The following GRIN2A variants were observed in gnomAD, a reference collection of about 807,000 sequenced individuals.
The protein encoded by GRIN2A is glutamate ionotropic receptor NMDA type subunit 2A.
In GRIN2A, 22 loss-of-function variants were observed where a neutral mutation model predicts 113.4. The ratio of observed to expected loss-of-function variants is 0.19; its 90% confidence interval spans 0.14 to 0.28. GRIN2A has a LOEUF of 0.28. GRIN2A is among the 10% of genes least tolerant of loss of function. The probability of loss-of-function intolerance (pLI) is 1.00; values close to 1 mark genes in which losing one functional copy is unlikely to be tolerated. For synonymous variants in GRIN2A, 827 were observed against 738.4 expected, an observed-to-expected ratio of 1.12 and a Z score of -1.94; for missense variants, 1,502 against 1,887.0, an observed-to-expected ratio of 0.80 and a Z score of 3.78.
intron 11 of GRIN2A, among the ~76,000 whole-genome samples, chr16:9,784,648 C>T (rs1467109752): frequency 2.6e-5 from 4 of 151,998 alleles, no homozygotes; most frequent in Non-Finnish European, 4.4e-5. Context: ...TCAGAGTGAA[C>T]GGGCAACCTA....
In GRIN2A at chr16:10,028,004, G is replaced by A. The variant is rs927301470; in HGVS notation, c.415-89453C>T. 2.0e-5 allele frequency among the ~76,000 whole-genome samples: 3 copies of A among 152,296 alleles called. 1 individual carries two copies. In the South Asian group the frequency reaches 6.2e-4, roughly 32 times the overall value. On this transcript the variant is annotated intron_variant, in intron 2 of 12. Coordinates refer to ENST00000330684, the MANE Select transcript of GRIN2A (RefSeq NM_001134407.3). ...TTCTCACAGAACAGTGCGGGAGGTT[G>A]GGGACTTATTACAAAGTGCTCTGAA... is the stretch of plus-strand genomic sequence containing the variant.
chr16:10,120,328 C>T (rs1486745182), intron 2 of GRIN2A, among the ~76,000 whole-genome samples: 1 of 152,150 alleles, frequency 6.6e-6, no homozygotes, highest in African/African-American at 2.4e-5. Context: ...CACAGAACAG[C>T]CCCTCCCACA....
intron 2 of GRIN2A, among the ~76,000 whole-genome samples, chr16:9,990,555 GCGCGCGCGCACACA>G (rs1011267761): frequency 3.8e-5 from 4 of 106,458 alleles, no homozygotes; most frequent in African/African-American, 1.2e-4. Flanking sequence ...ACGCGCGCGC[GCGCGCGCGCACACA>G]CACACACACA....
chr16:9,771,907 A>G (rs1259530386), intron 11 of GRIN2A, among the ~76,000 whole-genome samples: 1 of 152,208 alleles, frequency 6.6e-6, no homozygotes, highest in Non-Finnish European at 1.5e-5. Flanking sequence ...AACAGATGGT[A>G]AACCTCCTTG....
At position 9,909,135 on chromosome 16, in the gene GRIN2A, T is replaced by C. The variant is rs537882108; in HGVS notation, c.1008-18035A>G. On this transcript the variant is annotated intron_variant, in intron 3 of 12. Coordinates refer to ENST00000330684, the MANE Select transcript of GRIN2A (RefSeq NM_001134407.3). ...GTGGAAGGCAAGGAGGACCAAGTCA[T>C]GTCTTACATGGAAGGGAGCAGGCAA... Among the ~76,000 whole-genome samples, 7 of 152,254 alleles carry C rather than the reference T, an allele frequency of 4.6e-5. No individual in the cohort carries two copies. In the South Asian group the frequency reaches 6.2e-4, roughly 14 times the overall value.
At chr16:10,033,071 G>A (rs1009071495) in intron 2 of GRIN2A, among the ~76,000 whole-genome samples, 1 of 152,136 alleles carries the variant, frequency 6.6e-6, no homozygotes, top group African/African-American at 2.4e-5. Flanking sequence ...TCCTGGGCAC[G>A]TGATTATACC....
intron 11 of GRIN2A, among the ~76,000 whole-genome samples, chr16:9,791,650 A>G (rs779399941): frequency 6.6e-6 from 1 of 152,116 alleles, no homozygotes; most frequent in South Asian, 2.1e-4. Flanking sequence ...GATATTAGCA[A>G]CCCATCCAGC....
intron 2 of GRIN2A, among the ~76,000 whole-genome samples, chr16:10,153,900 CG>C (rs2049635203): frequency 6.6e-6 from 1 of 152,162 alleles, no homozygotes; most frequent in Non-Finnish European, 1.5e-5. Flanking sequence ...GGAGGGGCAT[CG>C]GGGTCTTCGC....
At chr16:10,159,779 G>C (rs6497738) in intron 2 of GRIN2A, among the ~76,000 whole-genome samples, 92,127 of 152,056 alleles carry the variant, frequency 0.61, 28,351 homozygotes, top group Non-Finnish European at 0.66. Context: ...GAGAGAATAT[G>C]AAAGCTCAAA....
chr16:9,930,614 G>A (rs2044566914), intron 3 of GRIN2A, among the ~76,000 whole-genome samples: 1 of 152,178 alleles, frequency 6.6e-6, no homozygotes, highest in African/African-American at 2.4e-5. Flanking sequence ...TGTTTGTTGA[G>A]CATATGGTGA....
chr16:9,805,966 G>C (rs1468878176), intron 10 of GRIN2A, among the ~76,000 whole-genome samples: 1 of 152,146 alleles, frequency 6.6e-6, no homozygotes, highest in Non-Finnish European at 1.5e-5. Flanking sequence ...TGGGAAAATG[G>C]CCTAGAATCA....
At chr16:9,800,853 G>A (rs1186202525) in intron 10 of GRIN2A, among the ~76,000 whole-genome samples, 1 of 152,180 alleles carries the variant, frequency 6.6e-6, no homozygotes, top group Non-Finnish European at 1.5e-5. Flanking sequence ...AAGTCAAGAG[G>A]AACAGCCAGC....
chr16:9,952,264 C>A (rs550439743), intron 2 of GRIN2A, among the ~76,000 whole-genome samples: 10 of 152,202 alleles, frequency 6.6e-5, no homozygotes, highest in African/African-American at 2.2e-4. Flanking sequence ...CCCACCCAAC[C>A]CAGCAAGAGA....
chr16:9,983,112 A>T (rs1044551979), intron 2 of GRIN2A, among the ~76,000 whole-genome samples: 1 of 152,188 alleles, frequency 6.6e-6, no homozygotes, highest in African/African-American at 2.4e-5. Context: ...CATTTCTTGT[A>T]TTTAGAACAT....
chr16:9,864,586 A>G (rs999203901), intron 4 of GRIN2A, among the ~76,000 whole-genome samples: 1 of 152,214 alleles, frequency 6.6e-6, no homozygotes, highest in Non-Finnish European at 1.5e-5. Flanking sequence ...CTAACAAGTC[A>G]AAAGCTGATG....
intron 2 of GRIN2A, among the ~76,000 whole-genome samples, chr16:10,176,773 C>T (rs901833939): frequency 1.3e-5 from 2 of 151,930 alleles, no homozygotes; most frequent in African/African-American, 4.8e-5. Flanking sequence ...GGGTGCAGCA[C>T]ACCAACATGG....
intron 8 of GRIN2A, among the ~76,000 whole-genome samples, 180 bp from the exon 9 acceptor site, chr16:9,829,832 ATTC>A (rs1433935210): frequency 3.3e-5 from 5 of 152,196 alleles, no homozygotes; most frequent in Admixed American, 2.0e-4. Flanking sequence ...AAAAATTAGC[ATTC>A]TTCTCACATT....
At chr16:9,769,451 C>CCTT (rs1567283118) in intron 11 of GRIN2A, among the ~76,000 whole-genome samples, 1 of 104,890 alleles carries the variant, frequency 9.5e-6, no homozygotes, top group Non-Finnish European at 1.9e-5. Flanking sequence ...GGAGTTTTGT[C>CCTT]TTTTTTTTTT....
chr16:10,125,105 G>A (rs2048908645), intron 2 of GRIN2A, among the ~76,000 whole-genome samples: 1 of 152,150 alleles, frequency 6.6e-6, no homozygotes, highest in Non-Finnish European at 1.5e-5. Context: ...TTATTCCAAA[G>A]GCTACAAGAT....
Sources: gnomAD v4.1 joint callset for allele counts (sites outside exome capture counted in the v4.1 genomes callset) on GRCh38, gnomAD v4.1.1 for gene constraint, MANE v1.5 for transcripts, NCBI Gene and HGNC (gene_info 2026-07-23, HGNC 2026-07-21) for gene names.